The following TECPR2 variants were observed in gnomAD, a reference collection of about 807,000 sequenced individuals.
The protein encoded by TECPR2 is tectonin beta-propeller repeat containing 2, also known as tectonin beta-propeller repeat-containing protein 2.
A neutral mutation model predicts 138.1 loss-of-function variants in TECPR2; 65 were observed. That is an observed-to-expected ratio of 0.47 (90% CI 0.39 to 0.58). The LOEUF (loss-of-function observed/expected upper bound fraction) is 0.58, where lower values mean the gene tolerates loss of function less well. Among genes scored for constraint, TECPR2 ranks in the 20% least tolerant of loss-of-function variants. The pLI, the probability that TECPR2 is intolerant of heterozygous loss-of-function variation, is 0.00. For synonymous variants in TECPR2, 746 were observed against 749.8 expected (o/e 0.99, Z 0.08); for missense variants, 1,553 against 1,824.5 (o/e 0.85, Z 2.71).
chr14:102,420,927 A>C lies in TECPR2; in HGVS notation c.639-4052A>C, dbSNP rs749952959. On this transcript the variant is annotated intron_variant, in intron 5 of 19. Transcript: ENST00000359520. The surrounding 1 kb of genome is among the most constrained non-coding windows in gnomAD (Gnocchi z 4.1). Reference sequence around the variant, plus strand: ...TCTGAGCTCTTTGAGCAGCTCTTTGAGCCTCAGATGGCGCTTCCAGATGCT... The same window carrying C: ...TCTGAGCTCTTTGAGCAGCTCTTTGCGCCTCAGATGGCGCTTCCAGATGCT... Among the ~76,000 whole-genome samples, 1 of 152,102 alleles carries C rather than the reference A, an allele frequency of 6.6e-6. No homozygotes were observed. Among genetic ancestry groups the C allele is most frequent in the Non-Finnish European group, 1.5e-5 (1 of 68,026 alleles).
chr14:102,496,025 T>C (rs2139801894), intron 17 of TECPR2, among the ~76,000 whole-genome samples: 1 of 152,312 alleles, frequency 6.6e-6, no homozygotes, highest in South Asian at 2.1e-4. Context: ...TCCAGTGTGA[T>C]TGTATTCACG....
intron 17 of TECPR2, among the ~76,000 whole-genome samples, chr14:102,496,474 C>A (rs959007812): frequency 3.3e-5 from 5 of 152,232 alleles, no homozygotes; most frequent in Non-Finnish European, 7.3e-5. Flanking sequence ...GGCAGGGCGG[C>A]AGTCTTGTGC....
intron 17 of TECPR2, among the ~76,000 whole-genome samples, chr14:102,483,724 T>A (rs940250542): frequency 2.5e-4 from 37 of 149,428 alleles, no homozygotes; most frequent in East Asian, 2.0e-4. Flanking sequence ...ATTCCAGGCA[T>A]GAGCAACTGC....
rs1891356876 is a variant in TECPR2 at position 102,498,581 on chromosome 14, T to C, written c.*324T>C. The C allele has an allele frequency of 6.8e-6, 3 of 439,348 alleles. No homozygotes were observed. Among genetic ancestry groups the C allele is most frequent in the African/African-American group, 6.0e-5 (3 of 50,020 alleles). The allele number at this position is 439,348 out of a possible 1,614,324, so 27.2% of individuals were successfully genotyped here. On this transcript the variant is annotated 3_prime_UTR_variant, in exon 20 of 20. Transcript: ENST00000359520. ...TAGCTCCAGCTTTTGTTGGTGGGAG[T>C]GGTCTCCGGAGGCCTCCCAGAACCA...
rs904032486 is a variant in TECPR2, at chr14:102,362,966, C to G, written c.-223C>G. On this transcript the variant is annotated 5_prime_UTR_variant, in exon 1 of 20. Coordinates refer to ENST00000359520, the MANE Select transcript of TECPR2 (RefSeq NM_014844.5). ...ACTTGTGGCTCTGCCGCTCTAGCCC[C>G]CGGCGGAGCCAGCTGCTGCTCTTCG... 4 of 1,390,436 alleles carry G rather than the reference C, an allele frequency of 2.9e-6. No individual in the cohort carries two copies. The highest frequency in any genetic ancestry group is 1.2e-5 in the South Asian group (1 of 81,248). The allele number at this position is 1,390,436 out of a possible 1,614,324, so 86.1% of individuals were successfully genotyped here.
intron 2 of TECPR2, among the ~76,000 whole-genome samples, chr14:102,379,933 A>G (rs1366107203): frequency 7.5e-6 from 1 of 133,910 alleles, no homozygotes; most frequent in Non-Finnish European, 1.6e-5. Flanking sequence ...GCACAGAGGC[A>G]CCCTAGTCAC....
At chr14:102,491,952 T>C (rs1232328833) in intron 17 of TECPR2, among the ~76,000 whole-genome samples, 2 of 152,134 alleles carry the variant, frequency 1.3e-5, no homozygotes, top group Non-Finnish European at 2.9e-5. Flanking sequence ...CAATTAGAGG[T>C]GTCCAGGAGA....
intron 17 of TECPR2, among the ~76,000 whole-genome samples, chr14:102,467,401 T>A (rs1343580458): frequency 6.8e-6 from 1 of 146,098 alleles, no homozygotes; most frequent in African/African-American, 2.6e-5. Context: ...CTTGGCTCAC[T>A]ACAACCTCCG....
intron 4 of TECPR2, among the ~76,000 whole-genome samples, chr14:102,411,061 T>C (rs1029247763): frequency 6.6e-6 from 1 of 152,092 alleles, no homozygotes; most frequent in Non-Finnish European, 1.5e-5. Context: ...TCATTCTATA[T>C]GACAAATGTT....
intron 2 of TECPR2, among the ~76,000 whole-genome samples, chr14:102,388,789 G>T (rs1382686103): frequency 6.6e-6 from 1 of 151,948 alleles, no homozygotes; most frequent in Non-Finnish European, 1.5e-5. Context: ...GTGAAATGCT[G>T]TCTCTACTAA....
At chr14:102,440,200 C>A (rs1323219274) in intron 10 of TECPR2, among the ~76,000 whole-genome samples, 1 of 152,140 alleles carries the variant, frequency 6.6e-6, no homozygotes, top group African/African-American at 2.4e-5. Context: ...ATCCCCACGG[C>A]CCAGGAGGAA....
rs755437449 is a variant in TECPR2, at chr14:102,498,659, C to T, written c.*402C>T. 3.5e-4 allele frequency: 140 copies of T among 399,794 alleles called. No homozygotes were observed. Among genetic ancestry groups the T allele is most frequent in the Non-Finnish European group, 6.3e-4 (131 of 208,422 alleles). The allele number at this position is 399,794 out of a possible 1,614,324, so 24.8% of individuals were successfully genotyped here. ...AGGGCCTCCTTCCACATTAGTAGCC[C>T]CAGGGCCAGATGGAGCCAAAGGTCA... On this transcript the variant is annotated 3_prime_UTR_variant, in exon 20 of 20. Coordinates refer to ENST00000359520, the MANE Select transcript of TECPR2 (RefSeq NM_014844.5).
chr14:102,369,257 A>G (rs1165038602), intron 1 of TECPR2, among the ~76,000 whole-genome samples: 2 of 152,212 alleles, frequency 1.3e-5, no homozygotes, highest in East Asian at 3.8e-4. Flanking sequence ...TGCAGTCTCA[A>G]AGCCCTTCTT....
chr14:102,379,704 C>A (rs1262622088), intron 2 of TECPR2, among the ~76,000 whole-genome samples: 3 of 122,646 alleles, frequency 2.4e-5, no homozygotes, highest in Non-Finnish European at 3.5e-5. Context: ...TGAAGATCAC[C>A]ATCTTAAAAT....
chr14:102,442,988 C>T (rs751677914), intron 11 of TECPR2, among the ~76,000 whole-genome samples: 1 of 152,248 alleles, frequency 6.6e-6, no homozygotes, highest in South Asian at 2.1e-4. Flanking sequence ...TGCAGTTTGA[C>T]AGACCTCAGA....
At chr14:102,428,108 G>T in intron 6 of TECPR2, 142 bp from the exon 7 acceptor site, 1 of 1,189,442 alleles carries the variant, frequency 8.4e-7, no homozygotes, top group Non-Finnish European at 1.1e-6. Context: ...GGATTGAATT[G>T]GAATTTTCAG....
chr14:102,493,311 T>C (rs1891198000), intron 17 of TECPR2, among the ~76,000 whole-genome samples: 2 of 152,216 alleles, frequency 1.3e-5, no homozygotes, highest in Admixed American at 1.3e-4. Context: ...GCCGCTTTTC[T>C]GTCTTCTCCA....
chr14:102,391,206 C>T (rs948070825), intron 2 of TECPR2, among the ~76,000 whole-genome samples: 4 of 152,092 alleles, frequency 2.6e-5, no homozygotes, highest in Non-Finnish European at 5.9e-5. Context: ...TACAGGTGTG[C>T]ACCACCACGC....
chr14:102,479,766 G>A (rs1890845110), intron 17 of TECPR2, among the ~76,000 whole-genome samples: 1 of 152,180 alleles, frequency 6.6e-6, no homozygotes, highest in African/African-American at 2.4e-5. Context: ...GTGCCTCTTG[G>A]TCTCCTTGAT....
Sources: gnomAD v4.1 joint callset for allele counts (sites outside exome capture counted in the v4.1 genomes callset) on GRCh38, gnomAD v4.1.1 for gene constraint, Gnocchi (gnomAD v3.1) non-coding constraint, MANE v1.5 for transcripts, NCBI Gene and HGNC (gene_info 2026-07-23, HGNC 2026-07-21) for gene names.